Variants in TJP2 observed in about 807,000 individuals in gnomAD.
The protein encoded by TJP2 is Friedreich ataxia region gene X104 (tight junction protein ZO-2).
In TJP2, 91 loss-of-function variants were observed where a neutral mutation model predicts 133.1. The observed-to-expected ratio is 0.68, with a 90% confidence interval of 0.58 to 0.81. The LOEUF (loss-of-function observed/expected upper bound fraction) is 0.81, where lower values mean the gene tolerates loss of function less well. Ranked by LOEUF, TJP2 falls within the 40% of genes least tolerant of loss-of-function variation. The pLI, the probability that TJP2 is intolerant of heterozygous loss-of-function variation, is 0.00. For missense variants in TJP2, 1,541 were observed against 1,565.6 expected (o/e 0.98, Z 0.26); for synonymous variants, 592 against 583.4 (o/e 1.01, Z -0.21).
chr9:69,177,770 A>G (rs950257410), intron 1 of TJP2, among the ~76,000 whole-genome samples: 6 of 151,788 alleles, frequency 4.0e-5, no homozygotes, highest in African/African-American at 1.2e-4. Context: ...TCAGCCTTCA[A>G]AGTAGCTGGG....
At chr9:69,210,517 TCA>T (rs1406321376) in intron 1 of TJP2, among the ~76,000 whole-genome samples, 5 of 152,136 alleles carry the variant, frequency 3.3e-5, no homozygotes, top group African/African-American at 1.2e-4. Context: ...AGAACAGTCG[TCA>T]CAGTGAACAG....
rs950480474 is a variant in TJP2 at position 69,254,943 on chromosome 9, C to G, written c.*569C>G. 6.9e-6 allele frequency: 2 copies of G among 291,678 alleles called. No homozygotes were observed. The highest frequency in any genetic ancestry group is 1.3e-5 in the Non-Finnish European group (2 of 157,380). 18.1% of individuals were successfully genotyped at this position (291,678 alleles called of 1,614,324 possible). ...ACCAGCTTAATAGCTGTAGTTTTCC[C>G]TGCACTGTGTCATCTTTTCAAGGCA... On this transcript the variant is annotated 3_prime_UTR_variant, in exon 23 of 23. Transcript: ENST00000377245.
chr9:69,153,118 A>T (rs1316865443), intron 2 of TJP2, among the ~76,000 whole-genome samples: 1 of 151,984 alleles, frequency 6.6e-6, no homozygotes, highest in Non-Finnish European at 1.5e-5. Context: ...CTGTAGTCCT[A>T]GCTACATGAG....
chr9:69,236,303 C>T (rs1830187049), intron 13 of TJP2, 65 bp downstream of exon 13: 2 of 1,513,272 alleles, frequency 1.3e-6, no homozygotes, highest in Admixed American at 1.7e-5. Context: ...CTAGAGACCG[C>T]CCCCCTTCCC....
At chr9:69,201,802 GC>G (rs1827014004) in intron 1 of TJP2, among the ~76,000 whole-genome samples, 1 of 152,130 alleles carries the variant, frequency 6.6e-6, no homozygotes, top group Admixed American at 6.6e-5. Flanking sequence ...TCTGACATAC[GC>G]CGCCACCACG....
intron 2 of TJP2, among the ~76,000 whole-genome samples, chr9:69,158,327 C>CAAAAAAAA (rs1156502519): frequency 2.3e-4 from 12 of 52,774 alleles, no homozygotes; most frequent in African/African-American, 8.3e-4. Context: ...GACTTTGCCT[C>CAAAAAAAA]AAAAAAAAAA....
At chr9:69,192,356 T>A (rs1826259698) in intron 1 of TJP2, among the ~76,000 whole-genome samples, 1 of 152,168 alleles carries the variant, frequency 6.6e-6, no homozygotes, top group African/African-American at 2.4e-5. Context: ...GTGAGTGTTA[T>A]TCACTGGATG....
intron 1 of TJP2, chr9:69,205,299 C>CA (rs1321275330): frequency 6.5e-7 from 1 of 1,536,382 alleles, no homozygotes; most frequent in Non-Finnish European, 8.7e-7. Flanking sequence ...GGGAGGGAAG[C>CA]AAAACCATTC....
In TJP2 at chr9:69,226,057, G is replaced by A. The variant is rs769412384; in HGVS notation, c.1092G>A (p.Thr364=). Residue 364 remains threonine, a synonymous_variant, in exon 7 of 23, where the codon ACG becomes ACA. Coordinates refer to ENST00000377245, the MANE Select transcript of TJP2 (RefSeq NM_004817.4). The stretch of plus-strand genomic sequence containing the variant: ...CTGTAACTGAGAACATGTCTTTAAC[G>A]GATGCTCGAAAATTGATAGAAAAGT... ...NGTVTENMSL[T]DARKLIEKSR... 5.0e-6 allele frequency: 8 copies of A among 1,613,962 alleles called. No individual in the cohort carries two copies. Among genetic ancestry groups the A allele is most frequent in the Non-Finnish European group, 6.8e-6 (8 of 1,180,028 alleles).
In TJP2 at chr9:69,204,504, G is replaced by A. The variant is rs554583993; in HGVS notation, c.61-8044G>A. ...CAAGTGGTAAAGACAAAGAACAGAC[G>A]GCAGGGCTCTTTGTTATTCTTTTAT... On this transcript the variant is annotated intron_variant, in intron 1 of 22. Coordinates refer to ENST00000377245, the MANE Select transcript of TJP2 (RefSeq NM_004817.4). 7.2e-5 allele frequency among the ~76,000 whole-genome samples: 11 copies of A among 152,276 alleles called. No individual in the cohort carries two copies. The South Asian group carries it at 8.3e-4, about 11-fold the overall frequency.
At chr9:69,193,515 T>TA (rs11409774) in intron 1 of TJP2, among the ~76,000 whole-genome samples, 53,323 of 140,036 alleles carry the variant, frequency 0.38, 10,124 homozygotes, top group South Asian at 0.44. Context: ...AATTCAGAAT[T>TA]AAAAAAAAAA....
chr9:69,222,749 C>A (rs577955696), intron 5 of TJP2, among the ~76,000 whole-genome samples: 1 of 152,168 alleles, frequency 6.6e-6, no homozygotes, highest in South Asian at 2.1e-4. Flanking sequence ...GACTCTCAGG[C>A]CCAACCCAGT....
At chr9:69,182,962 A>AC (rs1825618250) in intron 1 of TJP2, among the ~76,000 whole-genome samples, 1 of 132,246 alleles carries the variant, frequency 7.6e-6, no homozygotes, top group Admixed American at 7.6e-5. Flanking sequence ...CTAATTTTGT[A>AC]TTTTTTTTTT....
intron 17 of TJP2, chr9:69,246,381 C>T: frequency 2.7e-6 from 1 of 377,150 alleles, no homozygotes; most frequent in East Asian, 6.8e-5. Context: ...GCATGAGCCA[C>T]CACACCTGGC....
At chr9:69,233,529 T>C (rs1312131224) in intron 11 of TJP2, among the ~76,000 whole-genome samples, 1 of 152,200 alleles carries the variant, frequency 6.6e-6, no homozygotes, top group African/African-American at 2.4e-5. Flanking sequence ...TCCCAGCACT[T>C]TGGGAGGCCT....
At chr9:69,149,092 G>C (rs979738754) in intron 1 of TJP2, among the ~76,000 whole-genome samples, 1 of 152,046 alleles carries the variant, frequency 6.6e-6, no homozygotes, top group Non-Finnish European at 1.5e-5. Context: ...TCTGCCAAAT[G>C]TTCTTTTAAT....
At position 69,192,908 on chromosome 9, in the gene TJP2, C is replaced by T. The variant is rs148417307; in HGVS notation, c.60+18476C>T. On this transcript the variant is annotated intron_variant, in intron 1 of 22. Transcript: ENST00000377245. ...ATCAGTGCCAGGGTCTTCCTTTCTTCCTTCTCTCTCACTTTTTTTTTTTTT... is the reference window on the plus strand; with the variant it reads ...ATCAGTGCCAGGGTCTTCCTTTCTTTCTTCTCTCTCACTTTTTTTTTTTTT... 2.1e-3 allele frequency among the ~76,000 whole-genome samples: 301 copies of T among 146,450 alleles called. 5 individuals carry two copies. The East Asian group carries it at 0.029, about 14-fold the overall frequency.
chr9:69,135,886 G>A (rs1270902451), intron 1 of TJP2, among the ~76,000 whole-genome samples: 2 of 152,148 alleles, frequency 1.3e-5, no homozygotes, highest in African/African-American at 4.8e-5. Context: ...GATTACAGGC[G>A]TGAGTCACCG....
intron 16 of TJP2, among the ~76,000 whole-genome samples, chr9:69,239,467 C>T (rs1487425216): frequency 6.6e-6 from 1 of 152,138 alleles, no homozygotes; most frequent in African/African-American, 2.4e-5. Context: ...AGTTCTAACA[C>T]ATTGGTAATA....
Sources: gnomAD v4.1 joint callset for allele counts (sites outside exome capture counted in the v4.1 genomes callset) on GRCh38, gnomAD v4.1.1 for gene constraint, MANE v1.5 for transcripts, NCBI Gene and HGNC (gene_info 2026-07-23, HGNC 2026-07-21) for gene names.